The following TCF4 variants were observed in gnomAD, a reference collection of about 807,000 sequenced individuals.
The protein encoded by TCF4 is SL3-3 enhancer factor 2.
Under a neutral mutation model 82.1 loss-of-function variants are expected in TCF4, and 3 were observed. The ratio of observed to expected loss-of-function variants is 0.04; its 90% CI spans 0.02 to 0.09. TCF4 has a LOEUF of 0.09. Among genes scored for constraint, TCF4 ranks in the 10% least tolerant of loss-of-function variants. The pLI is 1.00. For synonymous variants in TCF4, 276 were observed against 309.6 expected (o/e 0.89, Z 1.14); for missense variants, 518 against 852.7 (o/e 0.61, Z 4.89).
At chr18:55,386,661 T>C (rs1603431610) in intron 6 of TCF4, among the ~76,000 whole-genome samples, 1 of 152,150 alleles carries the variant, frequency 6.6e-6, no homozygotes, top group African/African-American at 2.4e-5. Context: ...TTTCAATATA[T>C]GAAAAGTAAG....
At chr18:55,514,477 T>C (rs1430757892) in intron 3 of TCF4, among the ~76,000 whole-genome samples, 1 of 150,744 alleles carries the variant, frequency 6.6e-6, no homozygotes, top group Admixed American at 6.6e-5. Context: ...TGCTGGTCAG[T>C]ACCCACAGCC....
At chr18:55,501,055 T>C (rs1603615875) in intron 3 of TCF4, among the ~76,000 whole-genome samples, 1 of 152,350 alleles carries the variant, frequency 6.6e-6, no homozygotes, top group Admixed American at 6.5e-5. Context: ...AAGGTCTAGT[T>C]AATGTTTAAT....
chr18:55,309,022 A>G (rs2071315661), intron 8 of TCF4, among the ~76,000 whole-genome samples: 1 of 152,212 alleles, frequency 6.6e-6, no homozygotes. Context: ...CAGTAATTGA[A>G]ACTTGGCTAG....
intron 8 of TCF4, among the ~76,000 whole-genome samples, chr18:55,312,451 G>C (rs549804383): frequency 6.6e-6 from 1 of 152,266 alleles, no homozygotes; most frequent in Admixed American, 6.5e-5. Flanking sequence ...GATAATGGAG[G>C]AAAAGCACCA....
At chr18:55,432,782 C>T (rs2095240916) in intron 5 of TCF4, among the ~76,000 whole-genome samples, 1 of 152,210 alleles carries the variant, frequency 6.6e-6, no homozygotes, top group Admixed American at 6.5e-5. Context: ...AAACACTGAC[C>T]TGAATTCCAC....
chr18:55,362,422 GAAGGAAGGAAGGA>G (rs2085642632), intron 6 of TCF4, among the ~76,000 whole-genome samples: 1 of 137,594 alleles, frequency 7.3e-6, no homozygotes, highest in African/African-American at 2.7e-5. Context: ...AGGAAGGAAG[GAAGGAAGGAAGGA>G]AAAAAAAAAA....
At chr18:55,520,895 T>C (rs372738282) in intron 3 of TCF4, among the ~76,000 whole-genome samples, 1 of 152,248 alleles carries the variant, frequency 6.6e-6, no homozygotes, top group Admixed American at 6.5e-5. Context: ...TAAGCCACTA[T>C]AGGCTTGTGA....
At chr18:55,305,765 A>C (rs2070089367) in intron 8 of TCF4, among the ~76,000 whole-genome samples, 1 of 152,200 alleles carries the variant, frequency 6.6e-6, no homozygotes, top group South Asian at 2.1e-4. Context: ...CTTCACCCAA[A>C]TTCTAACAAA....
intron 5 of TCF4, among the ~76,000 whole-genome samples, chr18:55,415,836 ATAAT>A (rs1035810249): frequency 1.1e-4 from 16 of 152,244 alleles, no homozygotes; most frequent in African/African-American, 3.6e-4. Flanking sequence ...AATTTCTAAC[ATAAT>A]TAACACATAT....
At chr18:55,380,647 T>C (rs2091741356) in intron 6 of TCF4, among the ~76,000 whole-genome samples, 1 of 152,170 alleles carries the variant, frequency 6.6e-6, no homozygotes, top group Non-Finnish European at 1.5e-5. Context: ...GTCAGGTATG[T>C]AATAAATGTC....
chr18:55,535,752 T>A (rs1478682770), intron 3 of TCF4, among the ~76,000 whole-genome samples: 2 of 152,156 alleles, frequency 1.3e-5, no homozygotes, highest in East Asian at 3.9e-4. Context: ...TTGGTCCAAT[T>A]AGTAGGTAGA....
upstream of TCF4, chr18:55,588,367 G>A (rs1340925090): frequency 7.9e-6 from 12 of 1,521,918 alleles, no homozygotes; most frequent in Non-Finnish European, 1.1e-5. Flanking sequence ...GGGTCGGGCA[G>A]GCTAGGATGC....
chr18:55,254,605 A>C lies in TCF4; in HGVS notation c.1242T>G (p.Gly414=). 6.2e-7 allele frequency: 1 copy of C among 1,613,682 alleles called. No individual in the cohort carries two copies. The highest frequency in any genetic ancestry group is 8.5e-7 in the Non-Finnish European group (1 of 1,179,836). ...CAATGATTCCATGCATGTCCCCATG[A>C]CCACCAGGCATAGCTGTGGATGGGC... ...AVGPSTAMPG[G]HGDMHGIIGP... The change falls in exon 15 of 20, where the codon GGT becomes GGG. Residue 414 remains glycine (G), a synonymous_variant. Coordinates refer to ENST00000354452, the MANE Select transcript of TCF4 (RefSeq NM_001083962.2).
At chr18:55,313,074 T>C (rs916971081) in intron 8 of TCF4, among the ~76,000 whole-genome samples, 5 of 152,146 alleles carry the variant, frequency 3.3e-5, no homozygotes, top group African/African-American at 9.7e-5. Flanking sequence ...TAATAACTTA[T>C]TGGCTTTAAA....
intron 11 of TCF4, chr18:55,265,815 T>C (rs560075265): frequency 3.3e-5 from 5 of 152,314 alleles, no homozygotes; most frequent in Non-Finnish European, 7.4e-5. Context: ...ATGAACCAGA[T>C]AGATATTCCA....
intron 3 of TCF4, among the ~76,000 whole-genome samples, chr18:55,500,681 T>C (rs1464345121): frequency 6.6e-6 from 1 of 152,202 alleles, no homozygotes. Context: ...CAGGAGTAAA[T>C]AAGGGAAAAC....
Position 55,224,615 on chromosome 18 carries a change from T to G in TCF4, c.*3420A>C, listed in dbSNP as rs2046350575. The G allele has an allele frequency of 6.6e-6, 1 of 150,880 alleles. No homozygotes were observed. Among genetic ancestry groups the G allele is most frequent in the Non-Finnish European group, 1.5e-5 (1 of 67,854 alleles). 9.3% of individuals were successfully genotyped at this position (150,880 alleles called of 1,614,324 possible). On this transcript the variant is annotated 3_prime_UTR_variant, in exon 20 of 20. Transcript: ENST00000354452. ...GACTCCCTCCCCACTCCCCAACCCCTCATCAAAATCAAGATCACAAATAAA... is the reference window on the plus strand; with the variant it reads ...GACTCCCTCCCCACTCCCCAACCCCGCATCAAAATCAAGATCACAAATAAA...
chr18:55,577,158 GTA>G (rs1218104639), intron 3 of TCF4, among the ~76,000 whole-genome samples: 2 of 137,434 alleles, frequency 1.5e-5, no homozygotes, highest in Non-Finnish European at 3.1e-5. Flanking sequence ...ATTTATATAT[GTA>G]TATATACATT....
At chr18:55,599,726 CA>C (rs1326258392) in intron 2 of TCF4, among the ~76,000 whole-genome samples, 1 of 152,088 alleles carries the variant, frequency 6.6e-6, no homozygotes, top group East Asian at 1.9e-4. Flanking sequence ...TATCGCAAAA[CA>C]AAAAACTGTG....
Sources: gnomAD v4.1 joint callset for allele counts (sites outside exome capture counted in the v4.1 genomes callset) on GRCh38, gnomAD v4.1.1 for gene constraint, MANE v1.5 for transcripts, NCBI Gene and HGNC (gene_info 2026-07-23, HGNC 2026-07-21) for gene names.